PTPRD: variants seen among roughly 807,000 people sequenced by gnomAD.
The protein encoded by PTPRD is receptor-type tyrosine-protein phosphatase delta.
PTPRD carries 34 observed loss-of-function variants against 214.5 expected under a neutral mutation model. The ratio of observed to expected loss-of-function variants is 0.16; its 90% CI spans 0.12 to 0.21. The LOEUF (loss-of-function observed/expected upper bound fraction) is 0.21. Ranked by LOEUF, PTPRD falls within the 10% of genes least tolerant of loss-of-function variation. PTPRD has a pLI of 1.00. For synonymous variants in PTPRD, 1,128 were observed against 845.7 expected, an observed-to-expected ratio of 1.33 and a Z score of -5.79; for missense variants, 2,545 against 2,398.7, an observed-to-expected ratio of 1.06 and a Z score of -1.27.
chr9:9,336,291 AAAGAATGATAC>A (rs1471750282), intron 9 of PTPRD, among the ~76,000 whole-genome samples: 1 of 152,148 alleles, frequency 6.6e-6, no homozygotes, highest in Non-Finnish European at 1.5e-5. Context: ...CATACAGATA[AAAGAATGATAC>A]ACATTCTCAA....
At chr9:8,658,070 A>C (rs147635982) in intron 12 of PTPRD, among the ~76,000 whole-genome samples, 1 of 152,292 alleles carries the variant, frequency 6.6e-6, no homozygotes, top group African/African-American at 2.4e-5. Flanking sequence ...TCTCTCCCCG[A>C]AATAACTGAA....
intron 21 of PTPRD, among the ~76,000 whole-genome samples, chr9:8,515,761 T>A (rs1436330869): frequency 6.6e-6 from 1 of 152,120 alleles, no homozygotes; most frequent in African/African-American, 2.4e-5. Flanking sequence ...AAGGAACCAA[T>A]CCTGCCAACA....
intron 9 of PTPRD, among the ~76,000 whole-genome samples, chr9:9,208,576 A>ATTATAATCTTTAAATAATCTTT (rs1174394031): frequency 1.3e-5 from 2 of 152,072 alleles, no homozygotes; most frequent in East Asian, 3.9e-4. Flanking sequence ...ATAATCTTTA[A>ATTATAATCTTTAAATAATCTTT]AATTATCCTC....
intron 4 of PTPRD, among the ~76,000 whole-genome samples, chr9:9,958,292 G>C (rs1404894925): frequency 6.6e-6 from 1 of 152,304 alleles, no homozygotes; most frequent in South Asian, 2.1e-4. Flanking sequence ...CACTTTGGGA[G>C]GCTGAGGTGG....
At chr9:10,343,820 G>C (rs1469343304) in intron 2 of PTPRD, among the ~76,000 whole-genome samples, 1 of 151,666 alleles carries the variant, frequency 6.6e-6, no homozygotes, top group Admixed American at 6.6e-5. Context: ...CTTTTTGATG[G>C]GGTTGTTTGT....
chr9:10,471,852 G>C (rs1465387515), intron 2 of PTPRD, among the ~76,000 whole-genome samples: 1 of 151,788 alleles, frequency 6.6e-6, no homozygotes, highest in Admixed American at 6.6e-5. Context: ...ATTATACCTA[G>C]ACCATAATTA....
At chr9:10,479,394 G>C (rs2132064537) in intron 2 of PTPRD, among the ~76,000 whole-genome samples, 1 of 152,192 alleles carries the variant, frequency 6.6e-6, no homozygotes. Flanking sequence ...TCATTTCTTT[G>C]AAAGCCCCTA....
chr9:8,559,502 G>C (rs1018770506), intron 14 of PTPRD, among the ~76,000 whole-genome samples: 6 of 152,142 alleles, frequency 3.9e-5, no homozygotes, highest in African/African-American at 1.4e-4. Flanking sequence ...TCTGAATAGA[G>C]AAACCAGAAG....
At chr9:9,911,275 T>C (rs1566225578) in intron 5 of PTPRD, among the ~76,000 whole-genome samples, 1 of 152,086 alleles carries the variant, frequency 6.6e-6, no homozygotes, top group Non-Finnish European at 1.5e-5. Flanking sequence ...CATACTGCAT[T>C]GTGACACTTC....
chr9:9,643,224 A>G (rs1416361872), intron 7 of PTPRD, among the ~76,000 whole-genome samples: 1 of 152,214 alleles, frequency 6.6e-6, no homozygotes, highest in Non-Finnish European at 1.5e-5. Flanking sequence ...AGAAGTCTGG[A>G]GATTTTTATA....
chr9:10,056,248 G>T (rs1311416552), intron 3 of PTPRD, among the ~76,000 whole-genome samples: 1 of 151,536 alleles, frequency 6.6e-6, no homozygotes, highest in Non-Finnish European at 1.5e-5. Flanking sequence ...TTAAACCTGG[G>T]AGGCGGAGAT....
intron 12 of PTPRD, among the ~76,000 whole-genome samples, chr9:8,702,043 A>G (rs2098097710): frequency 6.6e-6 from 1 of 151,666 alleles, no homozygotes; most frequent in African/African-American, 2.4e-5. Context: ...AGACCACTTT[A>G]TTTTTTTTAA....
chr9:9,970,410 C>CTCAAAAAAAAAAAGAAAAA (rs1442788017), intron 4 of PTPRD, among the ~76,000 whole-genome samples: 2 of 133,480 alleles, frequency 1.5e-5, no homozygotes, highest in Non-Finnish European at 3.1e-5. Context: ...AGAGCCTGGG[C>CTCAAAAAAAAAAAGAAAAA]GACAGCGAGA....
chr9:10,253,221 C>T (rs530072348), intron 3 of PTPRD, among the ~76,000 whole-genome samples: 2 of 152,020 alleles, frequency 1.3e-5, no homozygotes, highest in African/African-American at 4.8e-5. Flanking sequence ...GTCTGGCATA[C>T]GATTATGAAC....
intron 10 of PTPRD, among the ~76,000 whole-genome samples, chr9:9,045,056 AT>A (rs1351747761): frequency 6.6e-6 from 1 of 152,074 alleles, no homozygotes; most frequent in Non-Finnish European, 1.5e-5. Flanking sequence ...CAAAAATATG[AT>A]GTTAAAGAAA....
chr9:8,856,373 C>T (rs971895633), intron 11 of PTPRD, among the ~76,000 whole-genome samples: 1 of 152,108 alleles, frequency 6.6e-6, no homozygotes, highest in African/African-American at 2.4e-5. Flanking sequence ...AGATGCGCTA[C>T]AGGATGGTTA....
intron 2 of PTPRD, among the ~76,000 whole-genome samples, chr9:10,443,392 T>C (rs1043669160): frequency 1.3e-5 from 2 of 151,448 alleles, no homozygotes; most frequent in African/African-American, 4.8e-5. Flanking sequence ...CAAGCCAGAG[T>C]CAATGTACTG....
At chr9:10,573,450 T>C (rs1048512399) in intron 2 of PTPRD, among the ~76,000 whole-genome samples, 5 of 152,138 alleles carry the variant, frequency 3.3e-5, no homozygotes, top group African/African-American at 1.2e-4. Flanking sequence ...ACAGGTCCAG[T>C]CATTTTGTTA....
At chr9:8,640,225 C>G (rs529119272) in intron 12 of PTPRD, among the ~76,000 whole-genome samples, 1 of 152,094 alleles carries the variant, frequency 6.6e-6, no homozygotes, top group African/African-American at 2.4e-5. Flanking sequence ...CATCACGACA[C>G]GCAGAGAAGT....
Sources: allele counts gnomAD v4.1 joint callset (sites outside exome capture counted in the v4.1 genomes callset), GRCh38; gene constraint gnomAD v4.1.1; transcripts MANE v1.5; gene names NCBI Gene and HGNC (gene_info 2026-07-23, HGNC 2026-07-21).